Variants in SEMA5A observed in about 807,000 individuals in gnomAD.
SEMA5A encodes semaphorin-5A.
SEMA5A carries 55 observed loss-of-function variants against 135.5 expected under a neutral mutation model. The ratio of observed to expected loss-of-function variants is 0.41; its 90% CI spans 0.33 to 0.51. The LOEUF is 0.51. Ranked by LOEUF, SEMA5A falls within the 20% of genes least tolerant of loss-of-function variation. SEMA5A has a pLI of 0.37. For missense variants in SEMA5A, 1,290 were observed against 1,419.9 expected (o/e 0.91, Z 1.47); for synonymous variants, 580 against 546.5 (o/e 1.06, Z -0.85).
chr5:9,314,829 G>A (rs1474335683), intron 5 of SEMA5A, among the ~76,000 whole-genome samples: 1 of 152,078 alleles, frequency 6.6e-6, no homozygotes, highest in Non-Finnish European at 1.5e-5. Flanking sequence ...CAATGGTACA[G>A]CAGTCTGACC....
chr5:9,452,556 G>C (rs917433239), intron 1 of SEMA5A, among the ~76,000 whole-genome samples: 2 of 152,120 alleles, frequency 1.3e-5, no homozygotes, highest in African/African-American at 4.8e-5. Flanking sequence ...GCTTTGGAAG[G>C]AATTATTAAG....
chr5:9,102,012 T>C (rs1739658075), intron 16 of SEMA5A, among the ~76,000 whole-genome samples: 2 of 152,122 alleles, frequency 1.3e-5, no homozygotes, highest in African/African-American at 4.8e-5. Flanking sequence ...AATAAGTGAA[T>C]AAGAAGAAAA....
intron 4 of SEMA5A, among the ~76,000 whole-genome samples, chr5:9,333,359 T>C (rs973572889): frequency 1.4e-4 from 22 of 152,314 alleles, no homozygotes; most frequent in South Asian, 4.2e-4. Flanking sequence ...TCCAACAGCA[T>C]TCAAACACTG....
chr5:9,146,070 C>A (rs984378186), intron 12 of SEMA5A, among the ~76,000 whole-genome samples: 1 of 152,098 alleles, frequency 6.6e-6, no homozygotes, highest in African/African-American at 2.4e-5. Flanking sequence ...CATTTAGAGA[C>A]CAAGGACACA....
chr5:9,521,042 G>A (rs991932499), intron 1 of SEMA5A, among the ~76,000 whole-genome samples: 2 of 152,206 alleles, frequency 1.3e-5, no homozygotes, highest in South Asian at 4.1e-4. Context: ...AGCAATAGGG[G>A]AACCTGGGCA....
At chr5:9,263,562 G>C (rs994818652) in intron 5 of SEMA5A, among the ~76,000 whole-genome samples, 14 of 152,136 alleles carry the variant, frequency 9.2e-5, no homozygotes, top group African/African-American at 3.4e-4. Flanking sequence ...CCACGAAACT[G>C]GTCTCTGGTG....
At chr5:9,108,388 C>T in intron 15 of SEMA5A, 101 bp from the exon 16 acceptor site, 3 of 1,385,596 alleles carry the variant, frequency 2.2e-6, no homozygotes, top group Admixed American at 1.8e-5. Context: ...AACACATGGG[C>T]ATGCTCTGCG....
intron 5 of SEMA5A, among the ~76,000 whole-genome samples, chr5:9,254,145 ATG>A (rs1371184568): frequency 2.0e-5 from 3 of 152,210 alleles, no homozygotes; most frequent in African/African-American, 7.2e-5. Flanking sequence ...GAACTTGTAA[ATG>A]TATTCAACTA....
intron 1 of SEMA5A, among the ~76,000 whole-genome samples, chr5:9,454,146 T>A (rs1758746488): frequency 6.6e-6 from 1 of 152,070 alleles, no homozygotes; most frequent in Non-Finnish European, 1.5e-5. Context: ...GAAACACAAA[T>A]CTGTACCATT....
At chr5:9,493,407 A>G (rs556654368) in intron 1 of SEMA5A, among the ~76,000 whole-genome samples, 11 of 151,998 alleles carry the variant, frequency 7.2e-5, no homozygotes, top group African/African-American at 2.2e-4. Flanking sequence ...AATGGCCTCT[A>G]TCTTTCCCAC....
At chr5:9,424,642 T>C (rs1245339386) in intron 2 of SEMA5A, among the ~76,000 whole-genome samples, 1 of 152,158 alleles carries the variant, frequency 6.6e-6, no homozygotes, top group East Asian at 1.9e-4. Context: ...CTGTTGCGTT[T>C]CCCTCCAACC....
intron 1 of SEMA5A, 127 bp from the exon 2 acceptor site, chr5:9,437,979 G>A (rs1183538946): frequency 6.6e-6 from 1 of 152,226 alleles, no homozygotes; most frequent in African/African-American, 2.4e-5. Flanking sequence ...GGCCACGTAG[G>A]ATTAAAGCAG....
At chr5:9,255,395 G>A (rs1027427970) in intron 5 of SEMA5A, among the ~76,000 whole-genome samples, 2 of 152,218 alleles carry the variant, frequency 1.3e-5, no homozygotes, top group Non-Finnish European at 2.9e-5. Flanking sequence ...GGACCCTCAT[G>A]TGAAATAGCT....
At chr5:9,350,113 C>T (rs376426333) in intron 3 of SEMA5A, among the ~76,000 whole-genome samples, 4 of 152,282 alleles carry the variant, frequency 2.6e-5, no homozygotes, top group African/African-American at 9.6e-5. Flanking sequence ...TCCTTGGTAA[C>T]ATGGAGCCTT....
chr5:9,237,646 G>T (rs1579684259), intron 6 of SEMA5A, 182 bp downstream of exon 6: 1 of 426,624 alleles, frequency 2.3e-6, no homozygotes, highest in Non-Finnish European at 4.1e-6. Flanking sequence ...ATGATTGATT[G>T]CTGGGGTTAA....
At chr5:9,066,704 AG>A (rs1737493065) in intron 16 of SEMA5A, 58 bp from the exon 17 acceptor site, 1 of 1,464,744 alleles carries the variant, frequency 6.8e-7, no homozygotes, top group South Asian at 1.1e-5. Flanking sequence ...AACCTCACGA[AG>A]GGCTCCTTTC....
intron 1 of SEMA5A, among the ~76,000 whole-genome samples, chr5:9,482,612 G>A (rs1003604182): frequency 2.0e-5 from 3 of 152,142 alleles, no homozygotes; most frequent in Non-Finnish European, 2.9e-5. Context: ...CCTTACCTGT[G>A]GTGTGTGCCA....
intron 1 of SEMA5A, among the ~76,000 whole-genome samples, chr5:9,491,427 C>T (rs1328836046): frequency 1.3e-5 from 2 of 152,086 alleles, no homozygotes; most frequent in Admixed American, 6.6e-5. Flanking sequence ...GTAGGTTGAT[C>T]GATTGCCCCA....
chr5:9,405,006 G>A (rs1186915159), intron 2 of SEMA5A, among the ~76,000 whole-genome samples: 1 of 152,188 alleles, frequency 6.6e-6, no homozygotes, highest in Non-Finnish European at 1.5e-5. Context: ...TTAATGGGAA[G>A]CTATGTGGTT....
Sources: gnomAD v4.1 joint callset for allele counts (sites outside exome capture counted in the v4.1 genomes callset) on GRCh38, gnomAD v4.1.1 for gene constraint, MANE v1.5 for transcripts, NCBI Gene and HGNC (gene_info 2026-07-23, HGNC 2026-07-21) for gene names.